Variants in TLN2 observed in about 807,000 individuals in gnomAD.
The protein encoded by TLN2 is talin 2.
Under a neutral mutation model 294.7 loss-of-function variants are expected in TLN2, and 118 were observed. The ratio of observed to expected loss-of-function variants is 0.40; its 90% CI spans 0.34 to 0.47. The LOEUF is 0.47. Ranked by LOEUF, TLN2 falls within the 20% of genes least tolerant of loss-of-function variation. The pLI is 0.84. For missense variants in TLN2, 3,083 were observed against 3,282.2 expected, an observed-to-expected ratio of 0.94 and a Z score of 1.48; for synonymous variants, 1,431 against 1,304.5, an observed-to-expected ratio of 1.10 and a Z score of -2.09.
chr15:62,718,070 T>C (rs752593471), intron 24 of TLN2, among the ~76,000 whole-genome samples: 1 of 152,214 alleles, frequency 6.6e-6, no homozygotes, highest in Non-Finnish European at 1.5e-5. Flanking sequence ...GTTCATTTCC[T>C]GCTTTCTAAT....
At chr15:62,449,618 AAAAAAT>A (rs1201835918) in intron 1 of TLN2, among the ~76,000 whole-genome samples, 2 of 151,988 alleles carry the variant, frequency 1.3e-5, no homozygotes, top group South Asian at 2.1e-4. Flanking sequence ...CCAGGAGTTA[AAAAAAT>A]AAAAATAAAA....
chr15:62,496,526 G>A (rs940965795), intron 1 of TLN2, among the ~76,000 whole-genome samples: 8 of 94,414 alleles, frequency 8.5e-5, no homozygotes, highest in African/African-American at 1.1e-4. Context: ...GCAGCTTCCC[G>A]TCTTGGAGCT....
At chr15:62,541,977 T>C (rs2041719355) in intron 1 of TLN2, among the ~76,000 whole-genome samples, 1 of 151,742 alleles carries the variant, frequency 6.6e-6, no homozygotes, top group Non-Finnish European at 1.5e-5. Flanking sequence ...ATAAAAAGAC[T>C]ATTTAAAGGA....
At chr15:62,823,901 C>G in intron 54 of TLN2, 1 of 493,484 alleles carries the variant, frequency 2.0e-6, no homozygotes, top group Admixed American at 2.2e-5. Flanking sequence ...CCCCTGCAGC[C>G]GTAACCTTCA....
intron 11 of TLN2, among the ~76,000 whole-genome samples, chr15:62,686,162 T>C (rs1458295851): frequency 1.3e-5 from 2 of 152,124 alleles, no homozygotes; most frequent in East Asian, 3.8e-4. Context: ...CAAACAGAAA[T>C]ATATTTCAGA....
At chr15:62,426,615 C>T (rs2140281150) in intron 1 of TLN2, among the ~76,000 whole-genome samples, 1 of 152,386 alleles carries the variant, frequency 6.6e-6, no homozygotes. Flanking sequence ...CCTAAACTAA[C>T]TCCTAGTCAG....
chr15:62,755,588 C>A lies in TLN2; in HGVS notation c.4533C>A (p.Cys1511Ter). The A allele has an allele frequency of 6.2e-7, 1 of 1,614,218 alleles. No homozygotes were observed. The highest frequency in any genetic ancestry group is 8.5e-7 in the Non-Finnish European group (1 of 1,180,026). Residue 1511 changes from cysteine (C) to a stop codon, truncating the protein, a stop_gained, in exon 37 of 59, where the codon TGC (cysteine) becomes TGA (stop). Transcript: ENST00000636159. LOFTEE classifies it high-confidence loss of function. ...ACACGTCAGCCTTGTGCAATGCCTGCCGCATCGCCTCATCCAAGACGGCCA... is the reference window on the plus strand; with the variant it reads ...ACACGTCAGCCTTGTGCAATGCCTGACGCATCGCCTCATCCAAGACGGCCA... ...AKHTSALCNACRIASSKTANP... is the reference protein window; with the variant it reads ...AKHTSALCNA
Position 62,835,582 on chromosome 15 carries a change from A to T in TLN2, c.7129-155A>T, listed in dbSNP as rs1011971653. ...TCTTTCTTGGCATGGCCTGAGTCCC[A>T]CGTGAGAAAGGTTGCTCCATTCTCA... On this transcript the variant is annotated intron_variant, in intron 55 of 58. Coordinates refer to ENST00000636159, the MANE Select transcript of TLN2 (RefSeq NM_015059.3). 20 of 765,898 alleles carry T rather than the reference A, an allele frequency of 2.6e-5. 2 individuals carry two copies. The South Asian group carries it at 3.1e-4, about 12-fold the overall frequency. 47.4% of individuals were successfully genotyped at this position (765,898 alleles called of 1,614,324 possible).
intron 3 of TLN2, among the ~76,000 whole-genome samples, chr15:62,630,890 G>A (rs1352961200): frequency 6.6e-6 from 1 of 152,094 alleles, no homozygotes; most frequent in Non-Finnish European, 1.5e-5. Flanking sequence ...CATCACTAAA[G>A]AGAGGGGGAG....
intron 14 of TLN2, 52 bp from the exon 15 acceptor site, chr15:62,697,636 G>A (rs1160978634): frequency 7.1e-6 from 11 of 1,546,194 alleles, no homozygotes; most frequent in Non-Finnish European, 9.6e-6. Flanking sequence ...TCTCCTCATT[G>A]CACTCCACAT....
chr15:62,701,326 A>T (rs75087561), intron 17 of TLN2, 112 bp downstream of exon 17: 29,918 of 938,926 alleles, frequency 0.032, 597 homozygotes, highest in Middle Eastern at 0.071. Context: ...ACTTTATATT[A>T]TGAGAGGATA....
intron 1 of TLN2, among the ~76,000 whole-genome samples, chr15:62,585,932 C>G (rs773111467): frequency 6.6e-6 from 1 of 152,152 alleles, no homozygotes; most frequent in Non-Finnish European, 1.5e-5. Context: ...AGCTCAGTGA[C>G]TATTGAGCAT....
At chr15:62,776,734 T>G in intron 42 of TLN2, 30 bp from the exon 43 acceptor site, 1 of 1,471,280 alleles carries the variant, frequency 6.8e-7, no homozygotes, top group African/African-American at 1.4e-5. Context: ...CTCTTCTGCT[T>G]AAGGAAATGT....
At chr15:62,616,016 C>A (rs375194831) in intron 2 of TLN2, among the ~76,000 whole-genome samples, 2 of 152,220 alleles carry the variant, frequency 1.3e-5, no homozygotes, top group African/African-American at 4.8e-5. Flanking sequence ...TGTCCTCTAA[C>A]AGTTTTGTAT....
intron 1 of TLN2, among the ~76,000 whole-genome samples, chr15:62,413,548 A>G (rs1001691392): frequency 1.1e-4 from 16 of 152,244 alleles, no homozygotes; most frequent in African/African-American, 2.9e-4. Flanking sequence ...AGAGCGACCT[A>G]CGGAACACAG....
intron 12 of TLN2, among the ~76,000 whole-genome samples, chr15:62,691,633 C>T (rs114979893): frequency 0.01 from 1,540 of 152,150 alleles, 26 homozygotes; most frequent in African/African-American, 0.035. Context: ...TCCTGGCTCT[C>T]GATATGAATA....
intron 48 of TLN2, 69 bp from the exon 49 acceptor site, chr15:62,800,299 G>C: frequency 6.4e-7 from 1 of 1,573,924 alleles, no homozygotes; most frequent in East Asian, 2.2e-5. Flanking sequence ...CCCTCAGGCT[G>C]CATGCCTTGG....
At chr15:62,606,993 C>T (rs1210189083) in intron 2 of TLN2, among the ~76,000 whole-genome samples, 3 of 152,270 alleles carry the variant, frequency 2.0e-5, no homozygotes, top group East Asian at 3.9e-4. Flanking sequence ...TCCTCCTCAC[C>T]ATCACCACCA....
At chr15:62,499,263 A>C (rs1021191076) in intron 1 of TLN2, among the ~76,000 whole-genome samples, 5 of 152,146 alleles carry the variant, frequency 3.3e-5, no homozygotes, top group Non-Finnish European at 5.9e-5. Flanking sequence ...AGCCTGGGCA[A>C]CATGGCAAAA....
Sources: gnomAD v4.1 joint callset for allele counts (sites outside exome capture counted in the v4.1 genomes callset) on GRCh38, gnomAD v4.1.1 for gene constraint, MANE v1.5 for transcripts, NCBI Gene and HGNC (gene_info 2026-07-23, HGNC 2026-07-21) for gene names.